SH3GL2: variants seen among roughly 807,000 people sequenced by gnomAD.
SH3GL2 encodes endophilin-A1.
Under a neutral mutation model 46.0 loss-of-function variants are expected in SH3GL2, and 24 were observed. That is an observed-to-expected ratio of 0.52 (90% CI 0.38 to 0.73). SH3GL2 has a LOEUF of 0.73. SH3GL2 is among the 30% of genes least tolerant of loss of function. The pLI is 0.00. For missense variants in SH3GL2, 413 were observed against 424.2 expected (o/e 0.97, Z 0.23); for synonymous variants, 196 against 147.1 (o/e 1.33, Z -2.40).
chr9:17,677,545 T>C (rs1387711411), intron 1 of SH3GL2, among the ~76,000 whole-genome samples: 1 of 152,074 alleles, frequency 6.6e-6, no homozygotes, highest in Non-Finnish European at 1.5e-5. Flanking sequence ...TTTAAACTCA[T>C]GTTTTCACTT....
At chr9:17,764,468 T>A (rs954360238) in intron 3 of SH3GL2, among the ~76,000 whole-genome samples, 1 of 152,180 alleles carries the variant, frequency 6.6e-6, no homozygotes, top group South Asian at 2.1e-4. Flanking sequence ...CTAAATACTT[T>A]GCCCACTCAG....
chr9:17,691,410 G>T (rs944045905), intron 1 of SH3GL2, among the ~76,000 whole-genome samples: 4 of 152,122 alleles, frequency 2.6e-5, no homozygotes, highest in African/African-American at 9.7e-5. Flanking sequence ...TAGAAAATTA[G>T]ATAGTAATAT....
At chr9:17,583,023 C>T (rs113019731) in intron 1 of SH3GL2, among the ~76,000 whole-genome samples, 2,275 of 152,224 alleles carry the variant, frequency 0.015, 31 homozygotes, top group African/African-American at 0.032. Flanking sequence ...ATCTGTAATG[C>T]CCCTATTTCC....
chr9:17,746,979 T>A (rs555771326), intron 1 of SH3GL2, 87 bp from the exon 2 acceptor site: 9 of 836,606 alleles, frequency 1.1e-5, no homozygotes, highest in Non-Finnish European at 1.6e-5. Flanking sequence ...TTACATTAGA[T>A]GACATTTGTG....
At position 17,793,456 on chromosome 9, in the gene SH3GL2, CCAATGGGGGTCTCTCCCA is replaced by C; in HGVS notation, c.821_838del (p.Asn274_His279del). On this transcript the variant is annotated inframe_deletion, in exon 8 of 9. Transcript: ENST00000380607. ...TTTCCAACTGGAGACAGTACTCAGC[CCAATGGGGGTCTCTCCCA>C]CACAGGCACTCCCAAACCTTCAGGT... 6.2e-7 allele frequency: 1 copy of C among 1,611,850 alleles called. No homozygotes were observed. Among genetic ancestry groups the C allele is most frequent in the African/African-American group, 1.3e-5 (1 of 74,882 alleles).
intron 1 of SH3GL2, among the ~76,000 whole-genome samples, chr9:17,645,182 T>TTTTTTTTTTTTTTTTTTTTTTTTTA (rs1819781790): frequency 1.5e-4 from 11 of 72,758 alleles, no homozygotes; most frequent in East Asian, 5.0e-4. Context: ...TTTTTTTTTT[T>TTTTTTTTTTTTTTTTTTTTTTTTTA]GCTTTCCATT....
At position 17,796,766 on chromosome 9, in the gene SH3GL2, G is replaced by C. The variant is rs1032261236; in HGVS notation, c.*1023G>C. The C allele has an allele frequency of 1.3e-5, 2 of 152,612 alleles. No individual in the cohort carries two copies. The highest frequency in any genetic ancestry group is 2.9e-5 in the Non-Finnish European group (2 of 68,028). 9.5% of individuals were successfully genotyped at this position (152,612 alleles called of 1,614,324 possible). A position where few individuals can be genotyped will look rare whatever the true frequency, so the allele number is the denominator to read the frequency against. On this transcript the variant is annotated 3_prime_UTR_variant, in exon 9 of 9. Transcript: ENST00000380607. ...CTGCCCTCAATGAGGACCAAATAAA[G>C]ATGATTTTTGTGCTTAGCAGTTTAA...
chr9:17,671,633 T>G (rs1332499989), intron 1 of SH3GL2, among the ~76,000 whole-genome samples: 1 of 151,724 alleles, frequency 6.6e-6, no homozygotes, highest in Non-Finnish European at 1.5e-5. Context: ...CCTACAAAAC[T>G]AAAAAAAATT....
At chr9:17,653,770 G>A (rs77484701) in intron 1 of SH3GL2, 28,907 of 373,426 alleles carry the variant, frequency 0.077, 1,324 homozygotes, top group Admixed American at 0.18. Context: ...CCTGAAGGGT[G>A]AAAGCAGTTC....
chr9:17,647,877 T>C (rs1417890987), intron 1 of SH3GL2, among the ~76,000 whole-genome samples: 1 of 152,156 alleles, frequency 6.6e-6, no homozygotes, highest in Non-Finnish European at 1.5e-5. Flanking sequence ...CAGATTTTCT[T>C]CCACCTCTGC....
chr9:17,681,486 A>T (rs962238973), intron 1 of SH3GL2, among the ~76,000 whole-genome samples: 2 of 152,160 alleles, frequency 1.3e-5, no homozygotes, highest in Non-Finnish European at 1.5e-5. Context: ...GAATTAAGAA[A>T]ACATGGGCTT....
intron 1 of SH3GL2, among the ~76,000 whole-genome samples, chr9:17,738,545 A>T (rs10963241): frequency 0.78 from 82,635 of 106,380 alleles, 31,423 homozygotes; most frequent in East Asian, 0.96. Context: ...TATATACATA[A>T]GTGTGTGTGT....
At chr9:17,793,260 G>C (rs550567337) in intron 7 of SH3GL2, 107 bp from the exon 8 acceptor site, 1 of 958,180 alleles carries the variant, frequency 1.0e-6, no homozygotes, top group Non-Finnish European at 1.6e-6. Flanking sequence ...ACTTCATCAT[G>C]GTAGCATGGT....
chr9:17,584,468 A>C (rs1358343679), intron 1 of SH3GL2, among the ~76,000 whole-genome samples: 2 of 152,140 alleles, frequency 1.3e-5, no homozygotes, highest in East Asian at 3.9e-4. Flanking sequence ...GTGCCACTGC[A>C]CTCCAGCCTG....
At chr9:17,690,090 A>C (rs1467140228) in intron 1 of SH3GL2, among the ~76,000 whole-genome samples, 1 of 152,084 alleles carries the variant, frequency 6.6e-6, no homozygotes, top group Non-Finnish European at 1.5e-5. Context: ...GCTGTGTGTT[A>C]TCTTTTTGTG....
intron 2 of SH3GL2, among the ~76,000 whole-genome samples, chr9:17,751,349 T>C (rs796270748): frequency 1.8e-4 from 28 of 152,244 alleles, no homozygotes; most frequent in African/African-American, 6.5e-4. Flanking sequence ...GGGTTCAATT[T>C]TTCTATCCAG....
intron 1 of SH3GL2, among the ~76,000 whole-genome samples, chr9:17,698,769 G>C (rs1778303248): frequency 1.3e-5 from 2 of 152,182 alleles, no homozygotes; most frequent in African/African-American, 2.4e-5. Context: ...AAGTACAGAT[G>C]TTTCTAACCT....
At chr9:17,730,158 C>T (rs752674039) in intron 1 of SH3GL2, among the ~76,000 whole-genome samples, 7 of 152,122 alleles carry the variant, frequency 4.6e-5, no homozygotes, top group Non-Finnish European at 1.0e-4. Flanking sequence ...ATGTACTTCT[C>T]TTTGAAGAGG....
chr9:17,591,021 GTGC>G (rs1818472173), intron 1 of SH3GL2: 1 of 152,184 alleles, frequency 6.6e-6, no homozygotes, highest in African/African-American at 2.4e-5. Context: ...GCTTCCCAAA[GTGC>G]TGGGATTACA....
Sources: allele counts gnomAD v4.1 joint callset (sites outside exome capture counted in the v4.1 genomes callset), GRCh38; gene constraint gnomAD v4.1.1; transcripts MANE v1.5; gene names NCBI Gene and HGNC (gene_info 2026-07-23, HGNC 2026-07-21).